Variants in IL1RAPL1 observed in about 807,000 individuals in gnomAD.
IL1RAPL1 encodes interleukin-1 receptor accessory protein-like 1.
In IL1RAPL1, 3 loss-of-function variants were observed where a neutral mutation model predicts 48.4. The observed-to-expected ratio is 0.06, with a 90% CI of 0.03 to 0.16. The LOEUF (loss-of-function observed/expected upper bound fraction) is 0.16, where lower values mean the gene tolerates loss of function less well. IL1RAPL1 is among the 10% of genes least tolerant of loss of function. The pLI, the probability that IL1RAPL1 is intolerant of heterozygous loss-of-function variation, is 1.00. For synonymous variants in IL1RAPL1, 185 were observed against 187.7 expected, an observed-to-expected ratio of 0.99 and a Z score of 0.12; for missense variants, 349 against 530.6, an observed-to-expected ratio of 0.66 and a Z score of 3.36.
chrX:28,899,664 C>T (rs12006724), intron 2 of IL1RAPL1, among the ~76,000 whole-genome samples: 174 of 111,629 alleles, frequency 1.6e-3, no homozygotes, highest in African/African-American at 5.5e-3. Context: ...TGCAAAATGG[C>T]ATTGCTAAGC....
chrX:29,328,642 T>TAGAGAG (rs372684157), intron 3 of IL1RAPL1, among the ~76,000 whole-genome samples: 15 of 103,996 alleles, frequency 1.4e-4, no homozygotes, highest in African/African-American at 5.3e-4. Flanking sequence ...TATATATATA[T>TAGAGAG]AGAGAGAGAG....
intron 2 of IL1RAPL1, among the ~76,000 whole-genome samples, chrX:29,242,991 G>T (rs1252548632): frequency 8.9e-6 from 1 of 111,886 alleles, no homozygotes; most frequent in Non-Finnish European, 1.9e-5. Context: ...TCCAGGCCCA[G>T]CTGGGAGGCT....
intron 6 of IL1RAPL1, among the ~76,000 whole-genome samples, chrX:29,761,135 G>A (rs1183133902): frequency 1.8e-5 from 2 of 111,748 alleles, no homozygotes; most frequent in African/African-American, 6.5e-5. Context: ...ATCAGATTTC[G>A]ACTGTTTCTT....
At chrX:28,864,546 A>G in intron 2 of IL1RAPL1, among the ~76,000 whole-genome samples, 1 of 111,691 alleles carries the variant, frequency 9.0e-6, no homozygotes, top group Non-Finnish European at 1.9e-5. Context: ...TGGTATTGAA[A>G]GACTGTTTAG....
At chrX:29,790,765 TC>T (rs1929611102) in intron 6 of IL1RAPL1, among the ~76,000 whole-genome samples, 1 of 111,568 alleles carries the variant, frequency 9.0e-6, no homozygotes, top group South Asian at 3.8e-4. Context: ...ATTGCAAGCT[TC>T]CCCACTGGTC....
chrX:29,022,202 G>A (rs995040963), intron 2 of IL1RAPL1, among the ~76,000 whole-genome samples: 4 of 110,246 alleles, frequency 3.6e-5, no homozygotes, highest in African/African-American at 6.6e-5. Flanking sequence ...GTTGAATTTC[G>A]CCCCAACCCT....
intron 2 of IL1RAPL1, among the ~76,000 whole-genome samples, chrX:29,143,671 T>G (rs1929289565): frequency 8.9e-6 from 1 of 112,222 alleles, no homozygotes. Context: ...ATCCTTATTT[T>G]ACTTAGTAAT....
intron 3 of IL1RAPL1, among the ~76,000 whole-genome samples, chrX:29,342,076 G>A (rs966616031): frequency 2.7e-5 from 3 of 109,106 alleles, no homozygotes; most frequent in Admixed American, 9.8e-5. Flanking sequence ...CAAAGTGCTG[G>A]GATTACAGGC....
At chrX:28,886,290 G>A (rs1158989999) in intron 2 of IL1RAPL1, among the ~76,000 whole-genome samples, 1 of 106,949 alleles carries the variant, frequency 9.4e-6, no homozygotes, top group East Asian at 2.9e-4. Context: ...GTCTAATAAT[G>A]TATCACTCTG....
intron 2 of IL1RAPL1, among the ~76,000 whole-genome samples, chrX:28,837,482 C>T (rs756367887): frequency 9.1e-6 from 1 of 109,681 alleles, no homozygotes; most frequent in South Asian, 3.9e-4. Flanking sequence ...TTGGGAATAG[C>T]GGAAATGATT....
At chrX:29,058,944 G>A (rs768822109) in intron 2 of IL1RAPL1, among the ~76,000 whole-genome samples, 1 of 112,052 alleles carries the variant, frequency 8.9e-6, no homozygotes, top group East Asian at 2.8e-4. Flanking sequence ...ATTAGGATAT[G>A]TTCGATTAAG....
At chrX:28,977,987 G>A (rs958431177) in intron 2 of IL1RAPL1, among the ~76,000 whole-genome samples, 3 of 112,236 alleles carry the variant, frequency 2.7e-5, no homozygotes, top group African/African-American at 9.7e-5. Flanking sequence ...GAGAACAAGT[G>A]TTAAAAAGTG....
chrX:28,703,286 C>T (rs541973609), intron 1 of IL1RAPL1, among the ~76,000 whole-genome samples: 14 of 111,266 alleles, frequency 1.3e-4, no homozygotes, highest in Admixed American at 1.1e-3. Context: ...TGGAGCGAAT[C>T]CATGTGAAAA....
At position 28,946,375 on chromosome X, in the gene IL1RAPL1, A is replaced by T. The variant is rs1006255264; in HGVS notation, c.82+156950A>T. Among the ~76,000 whole-genome samples the T allele has an allele frequency of 5.4e-5, 6 of 110,766 alleles. No individual in the cohort carries two copies. The Admixed American group carries it at 5.8e-4, about 11-fold the overall frequency. ...TTTTAAAGTAAGGCCTCTGAAAATG[A>T]TGCTGCTTAATTTGTCATCTAGGCA... On this transcript the variant is annotated intron_variant, in intron 2 of 10. Transcript: ENST00000378993.
At chrX:29,607,283 A>T (rs1017382340) in intron 5 of IL1RAPL1, among the ~76,000 whole-genome samples, 1 of 111,915 alleles carries the variant, frequency 8.9e-6, no homozygotes, top group African/African-American at 3.3e-5. Context: ...TTTGAGAGCC[A>T]TGAAAAGGAT....
At chrX:29,480,801 A>G (rs1434123880) in intron 5 of IL1RAPL1, among the ~76,000 whole-genome samples, 1 of 111,406 alleles carries the variant, frequency 9.0e-6, no homozygotes, top group Non-Finnish European at 1.9e-5. Flanking sequence ...TATATAGTAC[A>G]TAATAGTTAA....
At chrX:29,749,809 C>T (rs1428134066) in intron 6 of IL1RAPL1, among the ~76,000 whole-genome samples, 1 of 112,224 alleles carries the variant, frequency 8.9e-6, no homozygotes. Flanking sequence ...TACAGTGTTC[C>T]AGTCTCTTGG....
intron 6 of IL1RAPL1, among the ~76,000 whole-genome samples, chrX:29,766,338 A>AAG: frequency 1.3e-5 from 1 of 77,956 alleles, no homozygotes; most frequent in African/African-American, 6.1e-5. Context: ...AAAAAAAAAA[A>AAG]AAAAATATAT....
chrX:29,199,279 A>G (rs1399097096), intron 2 of IL1RAPL1, among the ~76,000 whole-genome samples: 1 of 111,609 alleles, frequency 9.0e-6, no homozygotes, highest in African/African-American at 3.3e-5. Context: ...ATAACACCAG[A>G]AAAAATACAC....
Sources: allele counts gnomAD v4.1 joint callset (sites outside exome capture counted in the v4.1 genomes callset), GRCh38; gene constraint gnomAD v4.1.1; transcripts MANE v1.5; gene names NCBI Gene and HGNC (gene_info 2026-07-23, HGNC 2026-07-21).